Variants in KLHDC9 observed in about 807,000 individuals in gnomAD.
KLHDC9 encodes kelch domain containing 9, also known as kelch domain-containing protein 9.
In KLHDC9, 26 loss-of-function variants were observed where a neutral mutation model predicts 31.5. The ratio of observed to expected loss-of-function variants is 0.83; its 90% CI spans 0.61 to 1.15. KLHDC9 has a LOEUF of 1.15. KLHDC9 is among the 50% of genes most tolerant of loss of function. KLHDC9 has a pLI of 0.00. For missense variants in KLHDC9, 437 were observed against 467.7 expected (o/e 0.93, Z 0.61); for synonymous variants, 176 against 184.7 (o/e 0.95, Z 0.38).
chr1:161,098,434 G>T lies in KLHDC9; in HGVS notation c.-102G>T. On this transcript the variant is annotated 5_prime_UTR_variant, in exon 1 of 4. Coordinates refer to ENST00000368011, the MANE Select transcript of KLHDC9 (RefSeq NM_152366.5). This position sits in a 1 kb window ranked among gnomAD's most constrained non-coding sequence, Gnocchi z 6.3. ...GAACCCCGGCTGGCGTCCGGTAGGG[G>T]GAGGTTCCCGGGGAAGCCCGCGGAA... 2 of 1,103,212 alleles carry T rather than the reference G, an allele frequency of 1.8e-6. No individual in the cohort carries two copies. Among genetic ancestry groups the T allele is most frequent in the Non-Finnish European group, 1.2e-6 (1 of 805,700 alleles). The allele number at this position is 1,103,212 out of a possible 1,614,324, so 68.3% of individuals were successfully genotyped here. A position where few individuals can be genotyped will look rare whatever the true frequency, so the allele number is the denominator to read the frequency against.
chr1:161,099,074 T>C lies in KLHDC9; in HGVS notation c.527+12T>C. 1.3e-6 allele frequency: 2 copies of C among 1,594,228 alleles called. No individual in the cohort carries two copies. Among genetic ancestry groups the C allele is most frequent in the Non-Finnish European group, 1.7e-6 (2 of 1,177,806 alleles). On this transcript the variant is annotated intron_variant, in intron 1 of 3. Transcript: ENST00000368011. ...GCCCGCACCTATTGGTATGGCACCC[T>C]CCGCCCAAAACCTTTCACTCTCATC... is the stretch of plus-strand genomic sequence containing the variant.
Position 161,098,638 on chromosome 1 carries a change from G to A in KLHDC9, c.103G>A (p.Glu35Lys), listed in dbSNP as rs138686208. The change falls in exon 1 of 4, where the codon GAA becomes AAA. Residue 35 changes from glutamate (E) to lysine (K), a missense_variant. By Grantham distance (56) the Glu-to-Lys change is moderately conservative (BLOSUM62 1). Coordinates refer to ENST00000368011, the MANE Select transcript of KLHDC9 (RefSeq NM_152366.5). This position sits in a 1 kb window ranked among gnomAD's most constrained non-coding sequence, Gnocchi z 6.3. ...LLARAFHSCT[E>K]LRGRFYLVGG... ...GGCTAGAGCTTTCCATTCATGCACCGAACTGCGGGGACGGTTCTATCTCGT... is the reference window on the plus strand; with the variant it reads ...GGCTAGAGCTTTCCATTCATGCACCAAACTGCGGGGACGGTTCTATCTCGT... The A allele has an allele frequency of 1.7e-3, 2,692 of 1,611,834 alleles. 21 individuals carry two copies. The highest frequency in any genetic ancestry group is 0.015 in the South Asian group (1,351 of 90,694).
At position 161,099,522 on chromosome 1, in the gene KLHDC9, C is replaced by T; in HGVS notation, c.687+17C>T. The T allele has an allele frequency of 6.2e-7, 1 of 1,614,112 alleles. No homozygotes were observed. Among genetic ancestry groups the T allele is most frequent in the East Asian group, 2.2e-5 (1 of 44,888 alleles). Reference sequence around the variant, plus strand: ...AAAATTAAGGTATTAGCTCCTCACACATCTTGTTTAGGATGGGAAGAGGCT... The same window carrying T: ...AAAATTAAGGTATTAGCTCCTCACATATCTTGTTTAGGATGGGAAGAGGCT... On this transcript the variant is annotated intron_variant, in intron 2 of 3. Transcript: ENST00000368011.
At chr1:161,099,226 T>C in intron 1 of KLHDC9, 120 bp from the exon 2 acceptor site, 1 of 1,323,902 alleles carries the variant, frequency 7.6e-7, no homozygotes, top group Non-Finnish European at 1.1e-6. Flanking sequence ...AGTATTACCC[T>C]CCCTCTTATC....
At position 161,099,521 on chromosome 1, in the gene KLHDC9, A is replaced by T; in HGVS notation, c.687+16A>T. On this transcript the variant is annotated intron_variant, in intron 2 of 3. Transcript: ENST00000368011. ...GAAAATTAAGGTATTAGCTCCTCAC[A>T]CATCTTGTTTAGGATGGGAAGAGGC... The T allele has an allele frequency of 6.2e-7, 1 of 1,614,130 alleles. No homozygotes were observed. Among genetic ancestry groups the T allele is most frequent in the Non-Finnish European group, 8.5e-7 (1 of 1,179,958 alleles).
Position 161,098,851 on chromosome 1 carries a change from A to T in KLHDC9, c.316A>T (p.Thr106Ser). The T allele has an allele frequency of 1.9e-6, 3 of 1,579,580 alleles. No homozygotes were observed. The highest frequency in any genetic ancestry group is 1.7e-6 in the Non-Finnish European group (2 of 1,163,132). ...CTGGGACGGGTCTCGCCGCTTGGCC[A>T]CAGTGACCGCACTGGACACAGAGCG... Reference protein sequence around the residue: ...GGWDGSRRLATVTALDTERGV... With the variant: ...GGWDGSRRLASVTALDTERGV... Residue 106 changes from threonine (T) to serine (S), a missense_variant, in exon 1 of 4, where the codon ACA (threonine) becomes TCA (serine). By Grantham distance (58) the Thr-to-Ser change is moderately conservative. Coordinates refer to ENST00000368011, the MANE Select transcript of KLHDC9 (RefSeq NM_152366.5). This position sits in a 1 kb window ranked among gnomAD's most constrained non-coding sequence, Gnocchi z 6.3.
At position 161,098,543 on chromosome 1, in the gene KLHDC9, T is replaced by A; in HGVS notation, c.8T>A (p.Val3Glu). The A allele has an allele frequency of 6.4e-7, 1 of 1,551,058 alleles. No homozygotes were observed. Among genetic ancestry groups the A allele is most frequent in the Non-Finnish European group, 8.7e-7 (1 of 1,146,436 alleles). Residue 3 changes from valine to glutamate, a missense_variant, in exon 1 of 4, where the codon GTG (valine) becomes GAG (glutamate). Transcript: ENST00000368011. The surrounding 1 kb of genome is among the most constrained non-coding windows in gnomAD (Gnocchi z 6.3). ...TCCCTCTCCCCGGGGCCCATGGCGG[T>A]GGCCGTGCCCCCGGGTCGGGCCGCA... The part of the protein sequence containing the change: MA[V>E]AVPPGRAAGS...
At position 161,098,885 on chromosome 1, in the gene KLHDC9, G is replaced by T. The variant is rs1330131439; in HGVS notation, c.350G>T (p.Trp117Leu). The T allele has an allele frequency of 8.3e-6, 13 of 1,575,056 alleles. No homozygotes were observed. The highest frequency in any genetic ancestry group is 1.0e-5 in the Non-Finnish European group (12 of 1,161,454). Reference sequence around the variant, plus strand: ...GCACTGGACACAGAGCGCGGTGTGTGGGAGGCGTGGACAGGGACCCCTGGT... The same window carrying T: ...GCACTGGACACAGAGCGCGGTGTGTTGGAGGCGTGGACAGGGACCCCTGGT... ...VTALDTERGV[W>L]EAWTGTPGDC... Residue 117 changes from tryptophan (W) to leucine (L), a missense_variant, in exon 1 of 4, where the codon TGG becomes TTG. Physicochemically the swap from Trp to Leu is moderately conservative, Grantham distance 61. Transcript: ENST00000368011. This position sits in a 1 kb window ranked among gnomAD's most constrained non-coding sequence, Gnocchi z 6.3.
rs758973669 is a variant in KLHDC9, at chr1:161,099,593, C to G, written c.688-5C>G. ...TCTTCGGACAGTCCTTTCTTTCTCC[C>G]CAAGGAGGAACCACCTGTTGCTCCT... On this transcript the variant is annotated splice_region_variant and splice_polypyrimidine_tract_variant and intron_variant, in intron 2 of 3. Transcript: ENST00000368011. 3 of 1,614,186 alleles carry G rather than the reference C, an allele frequency of 1.9e-6. No homozygotes were observed. In the South Asian group the frequency reaches 3.3e-5, roughly 18 times the overall value.
intron 1 of KLHDC9, 46 bp downstream of exon 1, chr1:161,099,108 C>A: frequency 1.3e-6 from 2 of 1,571,086 alleles, no homozygotes; most frequent in East Asian, 2.3e-5. Context: ...TCCACACTCT[C>A]GAAAAACAAA....
intron 1 of KLHDC9, 24 bp downstream of exon 1, chr1:161,099,086 C>T (rs1654447782): frequency 6.3e-7 from 1 of 1,590,906 alleles, no homozygotes; most frequent in Non-Finnish European, 8.5e-7. Context: ...CGCCCAAAAC[C>T]TTTCACTCTC....
chr1:161,099,467 C>T lies in KLHDC9; in HGVS notation c.649C>T (p.Pro217Ser). 1.2e-6 allele frequency: 2 copies of T among 1,614,240 alleles called. No homozygotes were observed. The highest frequency in any genetic ancestry group is 1.7e-6 in the Non-Finnish European group (2 of 1,180,042). ...LLFGGCNLAE[P>S]EVAGHWSHGK... is the part of the protein sequence containing the mutation. ...CTTTGGAGGTTGCAACTTAGCTGAA[C>T]CAGAAGTAGCTGGGCATTGGAGTCA... The change falls in exon 2 of 4, where the codon CCA becomes TCA. Residue 217 changes from proline to serine, a missense_variant. By Grantham distance (74) the Pro-to-Ser change is moderately conservative. Coordinates refer to ENST00000368011, the MANE Select transcript of KLHDC9 (RefSeq NM_152366.5).
chr1:161,098,686 G>T lies in KLHDC9; in HGVS notation c.151G>T (p.Ala51Ser), dbSNP rs1351931659. The T allele has an allele frequency of 6.2e-7, 1 of 1,613,302 alleles. No homozygotes were observed. The highest frequency in any genetic ancestry group is 8.5e-7 in the Non-Finnish European group (1 of 1,179,542). ...YLVGGLLAGG[A>S]REPSSDTVVF... ...CGTAGGTGGTCTCCTAGCAGGAGGA[G>T]CGAGAGAGCCCAGCAGCGATACGGT... Residue 51 changes from alanine to serine, a missense_variant, in exon 1 of 4, where the codon GCG becomes TCG. Coordinates refer to ENST00000368011, the MANE Select transcript of KLHDC9 (RefSeq NM_152366.5). The surrounding 1 kb of genome is among the most constrained non-coding windows in gnomAD (Gnocchi z 6.3).
intron 3 of KLHDC9, 37 bp downstream of exon 3, chr1:161,099,833 G>A: frequency 6.4e-7 from 1 of 1,562,506 alleles, no homozygotes; most frequent in Non-Finnish European, 8.8e-7. Flanking sequence ...GGGGGAAGGT[G>A]GGAAGATGGG....
At position 161,098,821 on chromosome 1, in the gene KLHDC9, G is replaced by C. The variant is rs202227038; in HGVS notation, c.286G>C (p.Gly96Arg). Residue 96 changes from glycine to arginine, a missense_variant, in exon 1 of 4, where the codon GGC becomes CGC. Transcript: ENST00000368011. The surrounding 1 kb of genome is among the most constrained non-coding windows in gnomAD (Gnocchi z 6.3). ...PVDGRWLCVV[G>R]GWDGSRRLAT... ...GGACGGGCGTTGGCTCTGCGTGGTG[G>C]GCGGCTGGGACGGGTCTCGCCGCTT... 1.2e-4 allele frequency: 197 copies of C among 1,581,588 alleles called. 1 individual carries two copies. In the African/African-American group the frequency reaches 2.5e-3, roughly 20 times the overall value.
At position 161,099,111 on chromosome 1, in the gene KLHDC9, A is replaced by G. The variant is rs755178187; in HGVS notation, c.527+49A>G. ...CTTTCACTCTCATCCACACTCTCGA[A>G]AAACAAAAGCCTAAGCAGATTTCTC... On this transcript the variant is annotated intron_variant, in intron 1 of 3. Transcript: ENST00000368011. The G allele has an allele frequency of 2.2e-5, 35 of 1,567,130 alleles. No homozygotes were observed. In the Admixed American group the frequency reaches 5.0e-4, roughly 23 times the overall value.
In KLHDC9 at chr1:161,100,150, C is replaced by T. The variant is rs1245995776; in HGVS notation, c.976C>T (p.Leu326Phe). Residue 326 changes from leucine to phenylalanine, a missense_variant, in exon 4 of 4, where the codon CTT becomes TTT. By Grantham distance (22) the Leu-to-Phe change is conservative. Coordinates refer to ENST00000368011, the MANE Select transcript of KLHDC9 (RefSeq NM_152366.5). ...GHRTCLWNDQ[L>F]YLVGGFGEDG... ...TCGCACCTGCCTTTGGAATGATCAG[C>T]TTTACCTGGTTGGGGGTTTTGGTGA... The T allele has an allele frequency of 1.2e-6, 2 of 1,614,234 alleles. No individual in the cohort carries two copies. Among genetic ancestry groups the T allele is most frequent in the South Asian group, 2.2e-5 (2 of 91,088 alleles).
chr1:161,099,966 G>C lies in KLHDC9; in HGVS notation c.887-95G>C, dbSNP rs555431168. The C allele has an allele frequency of 6.1e-5, 90 of 1,479,982 alleles. No homozygotes were observed. The Middle Eastern group carries it at 7.0e-4, about 12-fold the overall frequency. The allele number at this position is 1,479,982 out of a possible 1,614,324, so 91.7% of individuals were successfully genotyped here. The stretch of plus-strand genomic sequence containing the variant: ...TTGAAGAGGCCTACAAATCAAGTGA[G>C]CAGAAAAACAATGGGCAAGCCCTTG... On this transcript the variant is annotated intron_variant, in intron 3 of 3. Transcript: ENST00000368011.
intron 2 of KLHDC9, 34 bp downstream of exon 2, chr1:161,099,539 G>T: frequency 6.2e-7 from 1 of 1,614,068 alleles, no homozygotes; most frequent in South Asian, 1.1e-5. Context: ...TTTAGGATGG[G>T]AAGAGGCTAA....
Sources: allele counts gnomAD v4.1 joint callset, GRCh38; gene constraint gnomAD v4.1.1; non-coding constraint Gnocchi (gnomAD v3.1); transcripts MANE v1.5; gene names NCBI Gene and HGNC (gene_info 2026-07-23, HGNC 2026-07-21).